The following PAN3 variants were observed in gnomAD, a reference collection of about 807,000 sequenced individuals.
The protein encoded by PAN3 is PAN2-PAN3 deadenylation complex subunit PAN3.
A neutral mutation model predicts 96.2 loss-of-function variants in PAN3; 19 were observed. The ratio of observed to expected loss-of-function variants is 0.20; its 90% CI spans 0.14 to 0.29. PAN3 has a LOEUF of 0.29. Among genes scored for constraint, PAN3 ranks in the 10% least tolerant of loss-of-function variants. PAN3 has a pLI of 1.00. For synonymous variants in PAN3, 433 were observed against 406.6 expected (o/e 1.06, Z -0.78); for missense variants, 882 against 1,108.1 (o/e 0.80, Z 2.90).
At chr13:28,206,315 CTTTTTTTTTT>C (rs71086837) in intron 5 of PAN3, among the ~76,000 whole-genome samples, 7 of 94,942 alleles carry the variant, frequency 7.4e-5, no homozygotes, top group Admixed American at 2.3e-4. Flanking sequence ...GTCTAACTGA[CTTTTTTTTTT>C]TTTTTTTTTT....
intron 6 of PAN3, among the ~76,000 whole-genome samples, chr13:28,232,991 C>T (rs1243461995): frequency 6.6e-6 from 1 of 152,038 alleles, no homozygotes; most frequent in Non-Finnish European, 1.5e-5. Flanking sequence ...TCTGAATTTA[C>T]AGATTAGAAT....
At chr13:28,270,538 A>T (rs1886524524) in intron 12 of PAN3, among the ~76,000 whole-genome samples, 163 bp from the exon 13 acceptor site, 1 of 152,238 alleles carries the variant, frequency 6.6e-6, no homozygotes, top group Non-Finnish European at 1.5e-5. Flanking sequence ...ATCTTTGGGC[A>T]ATAGACTAAA....
chr13:28,250,417 G>T (rs1884613729), intron 6 of PAN3, among the ~76,000 whole-genome samples: 1 of 151,918 alleles, frequency 6.6e-6, no homozygotes, highest in African/African-American at 2.4e-5. Flanking sequence ...ACCCAGGCTG[G>T]AACAGTGGTG....
chr13:28,163,707 T>C (rs1367735654), intron 1 of PAN3, among the ~76,000 whole-genome samples: 1 of 152,146 alleles, frequency 6.6e-6, no homozygotes, highest in Non-Finnish European at 1.5e-5. Flanking sequence ...GTGTGGGAGA[T>C]TTTAAGCATA....
At chr13:28,151,198 G>C (rs1871317500) in intron 1 of PAN3, among the ~76,000 whole-genome samples, 1 of 152,216 alleles carries the variant, frequency 6.6e-6, no homozygotes, top group Admixed American at 6.5e-5. Flanking sequence ...GTGTCAAAAG[G>C]AGTGATAGAA....
At chr13:28,206,740 T>A (rs1346891419) in intron 5 of PAN3, among the ~76,000 whole-genome samples, 1 of 149,566 alleles carries the variant, frequency 6.7e-6, no homozygotes, top group Non-Finnish European at 1.5e-5. Context: ...ATTAGTGGGT[T>A]TTTTTTTTTT....
intron 1 of PAN3, among the ~76,000 whole-genome samples, chr13:28,147,190 A>G (rs1015813543): frequency 6.6e-6 from 1 of 152,238 alleles, no homozygotes; most frequent in Non-Finnish European, 1.5e-5. Flanking sequence ...AAATAAAACT[A>G]GCCTTTGGCT....
chr13:28,262,390 A>G (rs987885373), intron 9 of PAN3, among the ~76,000 whole-genome samples: 57 of 152,216 alleles, frequency 3.7e-4, no homozygotes, highest in African/African-American at 1.3e-3. Flanking sequence ...AAAGATCTCA[A>G]AATGCCTGCT....
chr13:28,281,508 T>G, intron 17 of PAN3, 129 bp downstream of exon 17: 1 of 856,846 alleles, frequency 1.2e-6, no homozygotes, highest in Non-Finnish European at 1.8e-6. Context: ...TAAGATTGTG[T>G]TAGCTGTTAA....
chr13:28,138,726 G>A lies in PAN3; in HGVS notation c.69G>A (p.Ala23=). ...CCCCTTCCTCCTCCTCGCTGGCGGC[G>A]GCGGTGGCGGTGGTGGCCCCGCCGG... ...AASPSSSSLA[A]AVAVVAPPGV... The change falls in exon 1 of 19, where the codon GCG becomes GCA. Residue 23 remains alanine, a synonymous_variant. Coordinates refer to ENST00000380958, the MANE Select transcript of PAN3 (RefSeq NM_175854.8). 1 of 1,274,318 alleles carries A rather than the reference G, an allele frequency of 7.8e-7. No homozygotes were observed. The highest frequency in any genetic ancestry group is 1.0e-6 in the Non-Finnish European group (1 of 998,756). 78.9% of individuals were successfully genotyped at this position (1,274,318 alleles called of 1,614,324 possible). A position where few individuals can be genotyped will look rare whatever the true frequency, so the allele number is the denominator to read the frequency against.
rs202095709 is a variant in PAN3 at position 28,221,359 on chromosome 13, CAG to C, written c.1000+983_1000+984del. The stretch of plus-strand genomic sequence containing the variant: ...TGGTCTTGGACATTAAAAAAAAAAA[CAG>C]AAATAAAATGAAATATATACACACA... On this transcript the variant is annotated intron_variant, in intron 6 of 18. Transcript: ENST00000380958. 8.3e-3 allele frequency among the ~76,000 whole-genome samples: 1,232 copies of C among 148,528 alleles called. 11 individuals are homozygous for C. Among genetic ancestry groups the C allele is most frequent in the African/African-American group, 0.026 (1,022 of 40,016 alleles).
chr13:28,287,863 ACTCC>A, intron 17 of PAN3, 117 bp from the exon 18 acceptor site: 1 of 890,048 alleles, frequency 1.1e-6, no homozygotes, highest in Non-Finnish European at 1.7e-6. Context: ...ACTGTACCAG[ACTCC>A]CTCCCAATTT....
At chr13:28,171,802 C>T (rs1874343800) in intron 1 of PAN3, among the ~76,000 whole-genome samples, 1 of 152,160 alleles carries the variant, frequency 6.6e-6, no homozygotes, top group Non-Finnish European at 1.5e-5. Context: ...CAGCCTGTAG[C>T]CCCTCTCTCC....
chr13:28,140,529 A>G (rs1038188463), intron 1 of PAN3, among the ~76,000 whole-genome samples: 41 of 152,120 alleles, frequency 2.7e-4, no homozygotes, highest in Admixed American at 2.5e-3. Flanking sequence ...ATTATTTAAT[A>G]TCTTCCCCGG....
intron 2 of PAN3, among the ~76,000 whole-genome samples, 173 bp from the exon 3 acceptor site, chr13:28,176,320 G>T (rs1447380311): frequency 6.6e-6 from 1 of 152,096 alleles, no homozygotes. Context: ...ATTTCATGTG[G>T]TGGTTTTTAC....
intron 14 of PAN3, among the ~76,000 whole-genome samples, chr13:28,274,495 TA>T (rs779861154): frequency 4.6e-3 from 659 of 142,256 alleles, no homozygotes; most frequent in African/African-American, 0.013. Flanking sequence ...GTGTCTGCAT[TA>T]AAAAAAAAAA....
In PAN3 at chr13:28,288,398, C is replaced by T. The variant is rs556394697; in HGVS notation, c.2523+276C>T. ...CACTGCAACCTCTGCCTCCCGGGTT[C>T]AAGTGATTCTCCTGCCTGAGCCTCC... On this transcript the variant is annotated intron_variant, in intron 18 of 18. Transcript: ENST00000380958. Among the ~76,000 whole-genome samples the T allele has an allele frequency of 7.2e-5, 11 of 152,276 alleles. No homozygotes were observed. In the East Asian group the frequency reaches 2.1e-3, roughly 29 times the overall value.
At chr13:28,252,845 T>C (rs1395959895) in intron 6 of PAN3, among the ~76,000 whole-genome samples, 1 of 152,172 alleles carries the variant, frequency 6.6e-6, no homozygotes, top group Non-Finnish European at 1.5e-5. Context: ...TTCATCCTTC[T>C]AGATTGTTGT....
intron 6 of PAN3, among the ~76,000 whole-genome samples, chr13:28,246,000 C>T (rs555066868): frequency 6.6e-5 from 10 of 152,034 alleles, no homozygotes; most frequent in Non-Finnish European, 1.0e-4. Flanking sequence ...TGTTTTTGTG[C>T]GAACCTATGT....
Sources: gnomAD v4.1 joint callset for allele counts (sites outside exome capture counted in the v4.1 genomes callset) on GRCh38, gnomAD v4.1.1 for gene constraint, MANE v1.5 for transcripts, NCBI Gene and HGNC (gene_info 2026-07-23, HGNC 2026-07-21) for gene names.